The following ARHGAP15 variants were observed in gnomAD, a reference collection of about 807,000 sequenced individuals.
ARHGAP15 encodes rho GTPase-activating protein 15.
In ARHGAP15, 51 loss-of-function variants were observed where a neutral mutation model predicts 63.7. That is an observed-to-expected ratio of 0.80 (90% CI 0.64 to 1.01). The LOEUF is 1.01. Ranked by LOEUF, ARHGAP15 falls within the 50% of genes least tolerant of loss-of-function variation. The pLI, the probability that ARHGAP15 is intolerant of heterozygous loss-of-function variation, is 0.00. For synonymous variants in ARHGAP15, 191 were observed against 193.8 expected (o/e 0.99, Z 0.12); for missense variants, 560 against 564.6 (o/e 0.99, Z 0.08).
At chr2:143,638,633 C>A in intron 12 of ARHGAP15, among the ~76,000 whole-genome samples, 1 of 141,204 alleles carries the variant, frequency 7.1e-6, no homozygotes, top group Non-Finnish European at 1.5e-5. Flanking sequence ...CACATGTACC[C>A]TAAAACTTAA....
At chr2:143,564,064 A>T (rs1696130622) in intron 11 of ARHGAP15, 1 of 152,212 alleles carries the variant, frequency 6.6e-6, no homozygotes, top group Admixed American at 6.5e-5. Flanking sequence ...AGGTTCACAT[A>T]GTCATTGGCA....
At chr2:143,624,288 G>A (rs911055178) in intron 12 of ARHGAP15, 21 bp downstream of exon 12, 2 of 1,595,856 alleles carry the variant, frequency 1.3e-6, no homozygotes, top group African/African-American at 2.7e-5. Flanking sequence ...CACAGAAAAG[G>A]GCAGGTGGTA....
intron 13 of ARHGAP15, among the ~76,000 whole-genome samples, chr2:143,733,768 C>T (rs1251251671): frequency 3.3e-5 from 5 of 151,974 alleles, no homozygotes; most frequent in African/African-American, 1.2e-4. Flanking sequence ...GGACATTGAC[C>T]CCTACCTAAT....
chr2:143,443,562 G>T (rs753542226), intron 8 of ARHGAP15, among the ~76,000 whole-genome samples: 1 of 151,910 alleles, frequency 6.6e-6, no homozygotes, highest in Non-Finnish European at 1.5e-5. Flanking sequence ...TTATAAGACA[G>T]ACAATATCTA....
chr2:143,563,933 G>A (rs1272312531), intron 11 of ARHGAP15: 1 of 152,210 alleles, frequency 6.6e-6, no homozygotes, highest in African/African-American at 2.4e-5. Flanking sequence ...TTATCTCACA[G>A]TTTCTGTGGG....
At chr2:143,244,745 G>A (rs560985468) in intron 5 of ARHGAP15, among the ~76,000 whole-genome samples, 56 of 152,130 alleles carry the variant, frequency 3.7e-4, no homozygotes, top group South Asian at 2.7e-3. Flanking sequence ...CACATTGAAC[G>A]AAAAAAGGTC....
At chr2:143,725,634 T>C (rs1044263707) in intron 13 of ARHGAP15, among the ~76,000 whole-genome samples, 3 of 152,254 alleles carry the variant, frequency 2.0e-5, no homozygotes, top group Non-Finnish European at 4.4e-5. Flanking sequence ...GACATAGTTA[T>C]GGCAATGCTA....
At chr2:143,330,317 T>G (rs938206105) in intron 6 of ARHGAP15, among the ~76,000 whole-genome samples, 1 of 151,764 alleles carries the variant, frequency 6.6e-6, no homozygotes, top group South Asian at 2.1e-4. Context: ...CTAAAAAATT[T>G]TGTAGATATA....
intron 13 of ARHGAP15, 165 bp downstream of exon 13, chr2:143,703,689 T>C (rs1684195919): frequency 3.7e-6 from 2 of 541,000 alleles, no homozygotes; most frequent in Admixed American, 3.8e-5. Flanking sequence ...GTGTTAGGGA[T>C]AGGAAGGACA....
chr2:143,703,080 A>G (rs1415598018), intron 12 of ARHGAP15, among the ~76,000 whole-genome samples: 1 of 152,218 alleles, frequency 6.6e-6, no homozygotes, highest in Non-Finnish European at 1.5e-5. Context: ...CAGGAAGATA[A>G]TGTCAAAGTC....
chr2:143,382,075 TCCTTCCTTTCCTTCCTTCCTCCCTC>T (rs1411557476), intron 6 of ARHGAP15, among the ~76,000 whole-genome samples: 1,492 of 136,532 alleles, frequency 0.011, 7 homozygotes, highest in Middle Eastern at 0.043. Context: ...CTTCCTTCCT[TCCTTCCTTTCCTTCCTTCCTCCCTC>T]CCTTTCCTTC....
intron 12 of ARHGAP15, among the ~76,000 whole-genome samples, chr2:143,691,613 G>A (rs769949520): frequency 3.7e-4 from 57 of 152,152 alleles, no homozygotes; most frequent in Non-Finnish European, 7.8e-4. Flanking sequence ...TACTGTTTCT[G>A]CTATTAATTC....
intron 13 of ARHGAP15, among the ~76,000 whole-genome samples, chr2:143,732,726 A>G (rs1486298534): frequency 6.6e-6 from 1 of 151,882 alleles, no homozygotes; most frequent in African/African-American, 2.4e-5. Flanking sequence ...AAAAAAAAAA[A>G]CTCACTAAAC....
chr2:143,606,886 T>C (rs1407109901), intron 11 of ARHGAP15: 1 of 152,098 alleles, frequency 6.6e-6, no homozygotes, highest in Admixed American at 6.6e-5. Flanking sequence ...CAACCAAACA[T>C]AGTGAAGGGG....
intron 6 of ARHGAP15, among the ~76,000 whole-genome samples, chr2:143,362,216 C>T (rs1574334268): frequency 6.6e-6 from 1 of 152,126 alleles, no homozygotes; most frequent in Admixed American, 6.5e-5. Flanking sequence ...TATACATCAG[C>T]GTAAAATTGT....
intron 3 of ARHGAP15, among the ~76,000 whole-genome samples, chr2:143,206,144 A>C (rs1386399562): frequency 6.6e-6 from 1 of 152,052 alleles, no homozygotes; most frequent in African/African-American, 2.4e-5. Flanking sequence ...CAGTCCTTTC[A>C]TCCCAGCACA....
intron 6 of ARHGAP15, among the ~76,000 whole-genome samples, chr2:143,334,368 A>G (rs1214669600): frequency 6.6e-6 from 1 of 152,038 alleles, no homozygotes; most frequent in Non-Finnish European, 1.5e-5. Flanking sequence ...GATATACCTT[A>G]TTTTTTTCTA....
chr2:143,763,821 CACAT>C (rs969122008), intron 13 of ARHGAP15, among the ~76,000 whole-genome samples: 18 of 148,396 alleles, frequency 1.2e-4, no homozygotes, highest in African/African-American at 4.4e-4. Context: ...TACATATATA[CACAT>C]ACATACATAT....
At chr2:143,643,225 C>T (rs1312337200) in intron 12 of ARHGAP15, among the ~76,000 whole-genome samples, 2 of 151,864 alleles carry the variant, frequency 1.3e-5, no homozygotes, top group African/African-American at 4.8e-5. Flanking sequence ...AGCAGGAAAC[C>T]CCATTGTGAT....
Sources: gnomAD v4.1 joint callset for allele counts (sites outside exome capture counted in the v4.1 genomes callset) on GRCh38, gnomAD v4.1.1 for gene constraint, MANE v1.5 for transcripts, NCBI Gene and HGNC (gene_info 2026-07-23, HGNC 2026-07-21) for gene names.